Variants in CSGALNACT1 observed in about 807,000 individuals in gnomAD.
The protein encoded by CSGALNACT1 is chondroitin sulfate N-acetylgalactosaminyltransferase 1.
In CSGALNACT1, 52 loss-of-function variants were observed where a neutral mutation model predicts 51.0. The ratio of observed to expected loss-of-function variants is 1.02; its 90% CI spans 0.82 to 1.29. The LOEUF is 1.29. CSGALNACT1 is among the 50% of genes most tolerant of loss of function. CSGALNACT1 has a pLI of 0.00. For synonymous variants in CSGALNACT1, 341 were observed against 254.4 expected, an observed-to-expected ratio of 1.34 and a Z score of -3.24; for missense variants, 935 against 679.2, an observed-to-expected ratio of 1.38 and a Z score of -4.19.
intron 2 of CSGALNACT1, among the ~76,000 whole-genome samples, chr8:19,600,098 CATTT>C (rs763420612): frequency 7.2e-5 from 11 of 152,072 alleles, no homozygotes; most frequent in Non-Finnish European, 1.3e-4. Flanking sequence ...TTCATTCATT[CATTT>C]AGAGACAGAG....
chr8:19,460,405 T>C (rs917107398), intron 4 of CSGALNACT1, among the ~76,000 whole-genome samples: 1 of 152,248 alleles, frequency 6.6e-6, no homozygotes, highest in African/African-American at 2.4e-5. Context: ...CAGGTATGTA[T>C]GTATGGGGAA....
chr8:19,687,353 C>T (rs2061034300), upstream of CSGALNACT1, among the ~76,000 whole-genome samples: 1 of 152,140 alleles, frequency 6.6e-6, no homozygotes, highest in Non-Finnish European at 1.5e-5. Context: ...CATCCTCTGA[C>T]CCATCAGAAG....
At chr8:19,411,417 C>T (rs1270465861) in intron 8 of CSGALNACT1, among the ~76,000 whole-genome samples, 2 of 152,196 alleles carry the variant, frequency 1.3e-5, no homozygotes, top group East Asian at 1.9e-4. Context: ...TTGTCCAGCA[C>T]ACAGCAGGTA....
intron 1 of CSGALNACT1, among the ~76,000 whole-genome samples, chr8:19,690,873 G>A (rs2061272566): frequency 6.6e-6 from 1 of 152,106 alleles, no homozygotes; most frequent in African/African-American, 2.4e-5. Context: ...AAGATTTCAC[G>A]ACTCTGTGAA....
chr8:19,458,035 G>A (rs549842518), intron 5 of CSGALNACT1, among the ~76,000 whole-genome samples: 3 of 152,198 alleles, frequency 2.0e-5, no homozygotes, highest in South Asian at 2.1e-4. Context: ...AACTGTCAAC[G>A]TGGGCTCTGC....
chr8:19,511,605 T>C (rs772107454), intron 3 of CSGALNACT1, among the ~76,000 whole-genome samples: 1 of 152,214 alleles, frequency 6.6e-6, no homozygotes, highest in Non-Finnish European at 1.5e-5. Context: ...CAGGGTGTGA[T>C]AGCCAGGTTC....
intron 3 of CSGALNACT1, among the ~76,000 whole-genome samples, chr8:19,576,365 G>A (rs2044213025): frequency 6.6e-6 from 1 of 151,996 alleles, no homozygotes; most frequent in Non-Finnish European, 1.5e-5. Context: ...GCTAATTTTT[G>A]TATTTTTAGT....
chr8:19,566,795 T>C (rs1162062018), intron 3 of CSGALNACT1, among the ~76,000 whole-genome samples: 1 of 152,248 alleles, frequency 6.6e-6, no homozygotes, highest in Middle Eastern at 3.4e-3. Context: ...TAAAAGAGGA[T>C]AACAACAGGC....
intron 6 of CSGALNACT1, among the ~76,000 whole-genome samples, chr8:19,433,893 C>A (rs906254621): frequency 6.6e-6 from 1 of 152,194 alleles, no homozygotes; most frequent in Non-Finnish European, 1.5e-5. Flanking sequence ...ATTGGACACA[C>A]CTGCTTTAAA....
intron 5 of CSGALNACT1, among the ~76,000 whole-genome samples, chr8:19,446,809 C>T (rs1237096011): frequency 1.3e-5 from 2 of 152,248 alleles, no homozygotes; most frequent in East Asian, 3.9e-4. Context: ...CCGCCATGTC[C>T]GGCCTGAATA....
At chr8:19,497,722 C>A (rs918521640) in intron 4 of CSGALNACT1, among the ~76,000 whole-genome samples, 1 of 152,104 alleles carries the variant, frequency 6.6e-6, no homozygotes, top group East Asian at 1.9e-4. Context: ...CTCGGGCCTC[C>A]AAATTACTAA....
chr8:19,447,541 C>T (rs1191738226), intron 5 of CSGALNACT1, among the ~76,000 whole-genome samples: 2 of 152,178 alleles, frequency 1.3e-5, no homozygotes, highest in Admixed American at 1.3e-4. Context: ...TTTAGACCCA[C>T]TAACTATTGT....
upstream of CSGALNACT1, among the ~76,000 whole-genome samples, chr8:19,605,202 C>T (rs1408087553): frequency 6.6e-6 from 1 of 152,216 alleles, no homozygotes; most frequent in African/African-American, 2.4e-5. Flanking sequence ...CCAATTCAGA[C>T]AGTGACAATG....
At chr8:19,459,700 G>A (rs2064959060) in intron 4 of CSGALNACT1, among the ~76,000 whole-genome samples, 1 of 152,122 alleles carries the variant, frequency 6.6e-6, no homozygotes, top group African/African-American at 2.4e-5. Context: ...ATTACTTCAT[G>A]CTCCTGTGCC....
intron 1 of CSGALNACT1, among the ~76,000 whole-genome samples, chr8:19,751,682 T>C (rs1360662781): frequency 2.0e-5 from 3 of 152,176 alleles, no homozygotes; most frequent in Non-Finnish European, 4.4e-5. Context: ...GGGAGGTGAC[T>C]GAATCATAGC....
chr8:19,659,562 A>G (rs1180105082), intron 1 of CSGALNACT1, among the ~76,000 whole-genome samples: 2 of 152,216 alleles, frequency 1.3e-5, no homozygotes, highest in Non-Finnish European at 2.9e-5. Context: ...AAGTGACTCT[A>G]AAAATATTTG....
intron 3 of CSGALNACT1, among the ~76,000 whole-genome samples, chr8:19,513,060 C>T (rs886097264): frequency 6.6e-6 from 1 of 152,142 alleles, no homozygotes; most frequent in Non-Finnish European, 1.5e-5. Flanking sequence ...CTAGCCCTTC[C>T]TTCTCCATCA....
At chr8:19,742,652 G>A (rs1373857529) in intron 1 of CSGALNACT1, among the ~76,000 whole-genome samples, 1 of 152,170 alleles carries the variant, frequency 6.6e-6, no homozygotes, top group Non-Finnish European at 1.5e-5. Flanking sequence ...CTAACAATAT[G>A]CCAATGAAAA....
intron 1 of CSGALNACT1, among the ~76,000 whole-genome samples, chr8:19,666,776 A>C (rs1231124300): frequency 3.6e-4 from 3 of 8,312 alleles, no homozygotes; most frequent in South Asian, 4.5e-3. Flanking sequence ...AGAAAGAAAG[A>C]AAGAAAGAAA....
Sources: gnomAD v4.1 joint callset for allele counts (sites outside exome capture counted in the v4.1 genomes callset) on GRCh38, gnomAD v4.1.1 for gene constraint, MANE v1.5 for transcripts, NCBI Gene and HGNC (gene_info 2026-07-23, HGNC 2026-07-21) for gene names.